The following EPHA6 variants were observed in gnomAD, a reference collection of about 807,000 sequenced individuals.
EPHA6 encodes ephrin type-A receptor 6.
A neutral mutation model predicts 112.0 loss-of-function variants in EPHA6; 50 were observed. That is an observed-to-expected ratio of 0.45 (90% CI 0.36 to 0.56). EPHA6 has a LOEUF of 0.56. Ranked by LOEUF, EPHA6 falls within the 20% of genes least tolerant of loss-of-function variation. The pLI is 0.00. For synonymous variants in EPHA6, 529 were observed against 490.7 expected, an observed-to-expected ratio of 1.08 and a Z score of -1.03; for missense variants, 1,280 against 1,417.4, an observed-to-expected ratio of 0.90 and a Z score of 1.56.
intron 5 of EPHA6, among the ~76,000 whole-genome samples, chr3:97,317,363 T>A (rs545769777): frequency 5.8e-4 from 88 of 152,148 alleles, no homozygotes; most frequent in African/African-American, 2.1e-3. Context: ...TCTTTTGCCC[T>A]GATGTGTAAC....
chr3:97,288,810 C>T (rs2108681066), intron 5 of EPHA6, among the ~76,000 whole-genome samples: 1 of 151,878 alleles, frequency 6.6e-6, no homozygotes, highest in East Asian at 1.9e-4. Flanking sequence ...TTTTTATTTG[C>T]ATTTTTCTGA....
chr3:96,845,907 AT>A (rs1230489294), intron 1 of EPHA6, among the ~76,000 whole-genome samples: 1 of 151,960 alleles, frequency 6.6e-6, no homozygotes, highest in African/African-American at 2.4e-5. Flanking sequence ...TCTATTTGAA[AT>A]ATGGGGGATG....
intron 1 of EPHA6, among the ~76,000 whole-genome samples, chr3:96,822,372 G>A (rs1210716568): frequency 6.6e-6 from 1 of 151,786 alleles, no homozygotes; most frequent in Non-Finnish European, 1.5e-5. Context: ...TGAGAATTGG[G>A]ATGAAAGTGT....
chr3:96,853,101 C>T (rs1371155237), intron 1 of EPHA6, among the ~76,000 whole-genome samples: 1 of 152,042 alleles, frequency 6.6e-6, no homozygotes, highest in Admixed American at 6.6e-5. Flanking sequence ...GGCTTCCATA[C>T]CTCCATATAT....
chr3:96,916,779 C>T (rs1476484883), intron 2 of EPHA6, among the ~76,000 whole-genome samples: 12 of 152,154 alleles, frequency 7.9e-5, no homozygotes, highest in South Asian at 2.1e-4. Flanking sequence ...GTCTTCAGAA[C>T]GGAGTGCCAA....
rs1433061362 is a variant in EPHA6 at position 97,610,942 on chromosome 3, G to A, written c.2574+88G>A. On this transcript the variant is annotated intron_variant, in intron 13 of 17. Coordinates refer to ENST00000389672, the MANE Select transcript of EPHA6 (RefSeq NM_001080448.3). The stretch of plus-strand genomic sequence containing the variant: ...TATCATAAATTAATTTTTGCATAAT[G>A]TTATTCATGGATTTTCTGTGAAGAA... 1.1e-5 allele frequency: 12 copies of A among 1,093,634 alleles called. No individual in the cohort carries two copies. The South Asian group carries it at 1.7e-4, about 16-fold the overall frequency. The allele number at this position is 1,093,634 out of a possible 1,614,324, so 67.7% of individuals were successfully genotyped here. A position where few individuals can be genotyped will look rare whatever the true frequency, so the allele number is the denominator to read the frequency against.
At chr3:97,658,137 A>T (rs1052564226) in intron 14 of EPHA6, among the ~76,000 whole-genome samples, 4 of 151,838 alleles carry the variant, frequency 2.6e-5, no homozygotes, top group Non-Finnish European at 5.9e-5. Context: ...ATGCTTTTCT[A>T]TCTCACCCAC....
intron 3 of EPHA6, among the ~76,000 whole-genome samples, chr3:97,099,439 A>C (rs964193613): frequency 6.6e-6 from 1 of 151,914 alleles, no homozygotes; most frequent in Non-Finnish European, 1.5e-5. Context: ...AATATTTATA[A>C]GCATGTTCAG....
rs956371332 is a variant in EPHA6, at chr3:97,761,265, G to A, written c.*12564G>A. On this transcript the variant is annotated 3_prime_UTR_variant, in exon 18 of 18. Transcript: ENST00000389672. ...GTGCTGGCATGCTTACAAGTTAATA[G>A]TGTTATAGAATGCTCAGCTCTCAAT... is the stretch of plus-strand genomic sequence containing the variant. 1 of 195,734 alleles carries A rather than the reference G, an allele frequency of 5.1e-6. No homozygotes were observed. Among genetic ancestry groups the A allele is most frequent in the Non-Finnish European group, 1.1e-5 (1 of 94,256 alleles). The allele number at this position is 195,734 out of a possible 1,614,324, so 12.1% of individuals were successfully genotyped here. A position where few individuals can be genotyped will look rare whatever the true frequency, so the allele number is the denominator to read the frequency against.
At chr3:97,195,723 T>C (rs1019292009) in intron 3 of EPHA6, among the ~76,000 whole-genome samples, 18 of 152,048 alleles carry the variant, frequency 1.2e-4, no homozygotes, top group African/African-American at 4.3e-4. Flanking sequence ...AAGTCTTTAT[T>C]TTTCTCCATA....
At chr3:97,022,692 G>A (rs372903740) in intron 3 of EPHA6, among the ~76,000 whole-genome samples, 1 of 152,196 alleles carries the variant, frequency 6.6e-6, no homozygotes, top group South Asian at 2.1e-4. Flanking sequence ...GCATGGTTGG[G>A]CTCCTAATTC....
Position 97,329,248 on chromosome 3 carries a change from G to A in EPHA6, c.1607-75902G>A, listed in dbSNP as rs1437426517. On this transcript the variant is annotated intron_variant, in intron 5 of 17. Coordinates refer to ENST00000389672, the MANE Select transcript of EPHA6 (RefSeq NM_001080448.3). ...ACATTTGGGTTGGTTCCAAGTCTTT[G>A]CTATTGTGAATAGTGCCGCAATAAA... Among the ~76,000 whole-genome samples, 3 of 151,464 alleles carry A rather than the reference G, an allele frequency of 2.0e-5. No individual in the cohort carries two copies. The South Asian group carries it at 6.2e-4, about 32-fold the overall frequency.
rs1404863223 is a variant in EPHA6 at position 97,753,256 on chromosome 3, T to C, written c.*4555T>C. 6.6e-6 allele frequency among the ~76,000 whole-genome samples: 1 copy of C among 152,134 alleles called. No homozygotes were observed. The highest frequency in any genetic ancestry group is 2.4e-5 in the African/African-American group (1 of 41,444). The stretch of plus-strand genomic sequence containing the variant: ...TGTGCTGTCATTGCTTTCAAGTAAC[T>C]CTCATTATTAAAATTTAGAGCTTTA... On this transcript the variant is annotated 3_prime_UTR_variant, in exon 18 of 18. Coordinates refer to ENST00000389672, the MANE Select transcript of EPHA6 (RefSeq NM_001080448.3).
At chr3:97,470,638 A>T (rs1332619745) in intron 7 of EPHA6, among the ~76,000 whole-genome samples, 1 of 151,158 alleles carries the variant, frequency 6.6e-6, no homozygotes, top group East Asian at 1.9e-4. Flanking sequence ...CTCTTTTTTA[A>T]GTATTTAGAT....
At chr3:97,102,277 C>A (rs1233572747) in intron 3 of EPHA6, among the ~76,000 whole-genome samples, 2 of 152,040 alleles carry the variant, frequency 1.3e-5, no homozygotes, top group Non-Finnish European at 2.9e-5. Flanking sequence ...CTATCCCAGA[C>A]TGTCCATATC....
chr3:97,282,008 G>A (rs1480989092), intron 5 of EPHA6, among the ~76,000 whole-genome samples: 1 of 152,108 alleles, frequency 6.6e-6, no homozygotes. Context: ...GATTTTCAAG[G>A]CATTATATGA....
At chr3:97,302,801 T>C (rs1701781103) in intron 5 of EPHA6, among the ~76,000 whole-genome samples, 1 of 151,946 alleles carries the variant, frequency 6.6e-6, no homozygotes, top group Non-Finnish European at 1.5e-5. Flanking sequence ...TATTCTAGAA[T>C]TTTCTATATT....
At chr3:97,021,435 T>G (rs2044456317) in intron 3 of EPHA6, among the ~76,000 whole-genome samples, 1 of 152,200 alleles carries the variant, frequency 6.6e-6, no homozygotes, top group African/African-American at 2.4e-5. Context: ...TTTAGAACTC[T>G]CGAAATTTCT....
At chr3:97,489,698 A>G (rs1005703009) in intron 10 of EPHA6, among the ~76,000 whole-genome samples, 7 of 151,922 alleles carry the variant, frequency 4.6e-5, no homozygotes, top group Admixed American at 3.3e-4. Flanking sequence ...AAAAAAAAAA[A>G]AAAGAAACTC....
Sources: allele counts gnomAD v4.1 joint callset (sites outside exome capture counted in the v4.1 genomes callset), GRCh38; gene constraint gnomAD v4.1.1; transcripts MANE v1.5; gene names NCBI Gene and HGNC (gene_info 2026-07-23, HGNC 2026-07-21).